The following UBAC2 variants were observed in gnomAD, a reference collection of about 807,000 sequenced individuals.
UBAC2 encodes UBA domain containing 2.
Under a neutral mutation model 44.0 loss-of-function variants are expected in UBAC2, and 26 were observed. The observed-to-expected ratio is 0.59, with a 90% CI of 0.43 to 0.82. The LOEUF (loss-of-function observed/expected upper bound fraction) is 0.82. UBAC2 is among the 40% of genes least tolerant of loss of function. The pLI is 0.00. For synonymous variants in UBAC2, 155 were observed against 154.3 expected, an observed-to-expected ratio of 1.00 and a Z score of -0.04; for missense variants, 329 against 419.4, an observed-to-expected ratio of 0.78 and a Z score of 1.88.
chr13:99,309,007 T>G (rs747199458), intron 4 of UBAC2, among the ~76,000 whole-genome samples: 1 of 152,076 alleles, frequency 6.6e-6, no homozygotes, highest in African/African-American at 2.4e-5. Context: ...TCTGGTGGGG[T>G]TTTGCCTGTT....
chr13:99,280,441 C>G (rs915514924), intron 4 of UBAC2, among the ~76,000 whole-genome samples: 1 of 152,212 alleles, frequency 6.6e-6, no homozygotes, highest in Non-Finnish European at 1.5e-5. Flanking sequence ...ACAAGGAGAA[C>G]TTCAAGTGTC....
chr13:99,289,831 C>T (rs534271063), intron 4 of UBAC2, among the ~76,000 whole-genome samples: 7 of 152,256 alleles, frequency 4.6e-5, no homozygotes, highest in African/African-American at 1.4e-4. Flanking sequence ...CCATCTAGAA[C>T]ATTGCCAAAC....
At chr13:99,361,818 T>C (rs1393374168) in intron 7 of UBAC2, among the ~76,000 whole-genome samples, 1 of 152,154 alleles carries the variant, frequency 6.6e-6, no homozygotes, top group Admixed American at 6.5e-5. Flanking sequence ...AGAGTCACCA[T>C]GACCATATAT....
intron 2 of UBAC2, 114 bp downstream of exon 2, chr13:99,238,668 A>C (rs2043267477): frequency 1.1e-6 from 1 of 939,700 alleles, no homozygotes; most frequent in African/African-American, 1.7e-5. Context: ...TTTGTAAGAA[A>C]TATTTATTAT....
At chr13:99,245,999 T>C (rs978096287) in intron 4 of UBAC2, among the ~76,000 whole-genome samples, 3 of 152,242 alleles carry the variant, frequency 2.0e-5, no homozygotes, top group Non-Finnish European at 2.9e-5. Context: ...ATACCAGATA[T>C]TTAAAATTCT....
At position 99,354,079 on chromosome 13, in the gene UBAC2, G is replaced by A. The variant is rs558569842; in HGVS notation, c.807+13514G>A. Among the ~76,000 whole-genome samples, 43 of 152,392 alleles carry A rather than the reference G, an allele frequency of 2.8e-4. No homozygotes were observed. The South Asian group carries it at 7.0e-3, about 25-fold the overall frequency. Reference sequence around the variant, plus strand: ...TGTTCACAGGGGATGCAGGCAGATCGTGGGTTTAGGATGGGGGAGGCCACC... The same window carrying A: ...TGTTCACAGGGGATGCAGGCAGATCATGGGTTTAGGATGGGGGAGGCCACC... On this transcript the variant is annotated intron_variant, in intron 7 of 8. Coordinates refer to ENST00000403766, the MANE Select transcript of UBAC2 (RefSeq NM_001144072.2).
intron 7 of UBAC2, among the ~76,000 whole-genome samples, chr13:99,347,204 G>A (rs988560385): frequency 1.4e-5 from 2 of 146,794 alleles, no homozygotes; most frequent in Non-Finnish European, 3.0e-5. Flanking sequence ...GGAAAAAAAA[G>A]AACCCCCAGG....
chr13:99,256,970 A>G lies in UBAC2; in HGVS notation c.389+12346A>G, dbSNP rs114283029. Among the ~76,000 whole-genome samples, 10 of 152,288 alleles carry G rather than the reference A, an allele frequency of 6.6e-5. No homozygotes were observed. The South Asian group carries it at 8.3e-4, about 13-fold the overall frequency. Reference sequence around the variant, plus strand: ...CCAGAATTTCTCTTTAAGGAAAACTATGGGGGAGATTTGCTGTCTGTGGTC... The same window carrying G: ...CCAGAATTTCTCTTTAAGGAAAACTGTGGGGGAGATTTGCTGTCTGTGGTC... On this transcript the variant is annotated intron_variant, in intron 4 of 8. Transcript: ENST00000403766.
chr13:99,324,019 G>A (rs1476921322), intron 6 of UBAC2, among the ~76,000 whole-genome samples: 1 of 151,916 alleles, frequency 6.6e-6, no homozygotes, highest in African/African-American at 2.4e-5. Context: ...TTCAAAATGC[G>A]ACCTCCTCAC....
chr13:99,356,702 A>G (rs922005093), intron 7 of UBAC2, among the ~76,000 whole-genome samples: 11 of 152,352 alleles, frequency 7.2e-5, no homozygotes, highest in African/African-American at 2.6e-4. Context: ...TTTTTATAGC[A>G]CGACACAAAG....
At chr13:99,307,444 C>T (rs1041599014) in intron 4 of UBAC2, 8 of 151,798 alleles carry the variant, frequency 5.3e-5, no homozygotes, top group Non-Finnish European at 1.0e-4. Context: ...CTGTGCAGAC[C>T]TCCTTTTATG....
chr13:99,338,047 CTTTTTTTTTTTTT>C (rs869112086), intron 6 of UBAC2, among the ~76,000 whole-genome samples: 45 of 48,866 alleles, frequency 9.2e-4, no homozygotes, highest in African/African-American at 2.8e-3. Flanking sequence ...TTCTTTTTTT[CTTTTTTTTTTTTT>C]TTTTTTTTTT....
intron 7 of UBAC2, among the ~76,000 whole-genome samples, chr13:99,360,684 C>G (rs1384842574): frequency 6.6e-6 from 1 of 152,178 alleles, no homozygotes; most frequent in Non-Finnish European, 1.5e-5. Context: ...TGAAATCATT[C>G]TCTTTTAATA....
chr13:99,344,876 T>C (rs909560409), intron 7 of UBAC2, among the ~76,000 whole-genome samples: 3 of 152,202 alleles, frequency 2.0e-5, no homozygotes, highest in Non-Finnish European at 4.4e-5. Context: ...GAAGAACATG[T>C]CCTTTCCCTC....
chr13:99,320,582 A>G (rs2044554835), intron 6 of UBAC2, among the ~76,000 whole-genome samples: 1 of 152,214 alleles, frequency 6.6e-6, no homozygotes, highest in Non-Finnish European at 1.5e-5. Context: ...CCATAATTAG[A>G]TGACTGTTTA....
chr13:99,357,041 A>T (rs1041254345), intron 7 of UBAC2, among the ~76,000 whole-genome samples: 1 of 152,222 alleles, frequency 6.6e-6, no homozygotes, highest in African/African-American at 2.4e-5. Flanking sequence ...GCACCACATA[A>T]CAATATGTTT....
chr13:99,331,732 A>G (rs139243700), intron 6 of UBAC2, among the ~76,000 whole-genome samples: 3 of 152,354 alleles, frequency 2.0e-5, no homozygotes, highest in East Asian at 3.9e-4. Context: ...CCTAATTTGC[A>G]TTCACATTCT....
At chr13:99,284,414 T>A (rs2043992412) in intron 4 of UBAC2, among the ~76,000 whole-genome samples, 1 of 152,222 alleles carries the variant, frequency 6.6e-6, no homozygotes, top group South Asian at 2.1e-4. Context: ...TTTAAAATAG[T>A]TCTGGTTTAT....
At chr13:99,346,478 G>T (rs1009712488) in intron 7 of UBAC2, among the ~76,000 whole-genome samples, 2 of 152,234 alleles carry the variant, frequency 1.3e-5, no homozygotes, top group Non-Finnish European at 2.9e-5. Flanking sequence ...CTGCTGCCGT[G>T]TGCAAGCCCT....
Sources: allele counts gnomAD v4.1 joint callset (sites outside exome capture counted in the v4.1 genomes callset), GRCh38; gene constraint gnomAD v4.1.1; transcripts MANE v1.5; gene names NCBI Gene and HGNC (gene_info 2026-07-23, HGNC 2026-07-21).